Variants in PTK2 observed in about 807,000 individuals in gnomAD.
PTK2 encodes the protein protein tyrosine kinase 2, also known as focal adhesion kinase 1.
A neutral mutation model predicts 150.1 loss-of-function variants in PTK2; 45 were observed. The ratio of observed to expected loss-of-function variants is 0.30; its 90% confidence interval spans 0.24 to 0.38. PTK2 has a LOEUF of 0.38. Ranked by LOEUF, PTK2 falls within the 10% of genes least tolerant of loss-of-function variation. The pLI is 1.00. For synonymous variants in PTK2, 432 were observed against 449.2 expected (o/e 0.96, Z 0.48); for missense variants, 919 against 1,307.3 (o/e 0.70, Z 4.58).
intron 26 of PTK2, 135 bp downstream of exon 29, chr8:140,700,756 C>A: frequency 8.2e-7 from 1 of 1,215,680 alleles, no homozygotes; most frequent in Non-Finnish European, 1.1e-6. Context: ...CCATGCCTGG[C>A]CTATTCCAAG....
intron 18 of PTK2, chr8:140,746,420 C>G (rs2100058800): frequency 5.0e-6 from 1 of 198,642 alleles, no homozygotes; most frequent in Non-Finnish European, 1.0e-5. Flanking sequence ...TACCCAAACT[C>G]CATTAAGATT....
intron 26 of PTK2, among the ~76,000 whole-genome samples, chr8:140,696,065 TTTAGATG>T (rs2100026368): frequency 4.6e-5 from 7 of 152,160 alleles, no homozygotes; most frequent in Non-Finnish European, 7.3e-5. Context: ...GCCTCTAACG[TTTAGATG>T]CTTAACACTG....
chr8:140,873,672 G>A (rs766494236), intron 4 of PTK2, among the ~76,000 whole-genome samples: 1 of 152,088 alleles, frequency 6.6e-6, no homozygotes, highest in Non-Finnish European at 1.5e-5. Flanking sequence ...CACCACGTTA[G>A]TCAGGCTGGT....
chr8:140,983,264 G>A (rs1008599359), intron 1 of PTK2, among the ~76,000 whole-genome samples: 3 of 150,042 alleles, frequency 2.0e-5, no homozygotes, highest in African/African-American at 7.3e-5. Context: ...ACAGGTGCCT[G>A]TAATCCCAGC....
chr8:140,850,314 T>C (rs910237123), intron 5 of PTK2, among the ~76,000 whole-genome samples: 3 of 151,606 alleles, frequency 2.0e-5, no homozygotes, highest in Non-Finnish European at 2.9e-5. Flanking sequence ...TAATCCCAGG[T>C]ACTCGGGAGG....
At chr8:140,668,178 G>C (rs759474181) in intron 30 of PTK2, 91 bp downstream of exon 34, 4 of 1,463,598 alleles carry the variant, frequency 2.7e-6, no homozygotes, top group Non-Finnish European at 3.8e-6. Context: ...CTTTGGTGGG[G>C]CGGGGGGACC....
At chr8:140,964,538 C>G (rs564278953) in intron 1 of PTK2, among the ~76,000 whole-genome samples, 2 of 149,326 alleles carry the variant, frequency 1.3e-5, no homozygotes, top group East Asian at 3.9e-4. Context: ...CCACCCCCAG[C>G]CCCAGGTAAT....
intron 8 of PTK2, among the ~76,000 whole-genome samples, chr8:140,829,936 C>T (rs889338575): frequency 6.6e-5 from 10 of 152,118 alleles, no homozygotes; most frequent in African/African-American, 2.2e-4. Context: ...CATTCAGAGT[C>T]CTCCCACCTC....
intron 2 of PTK2, among the ~76,000 whole-genome samples, chr8:140,891,221 T>C (rs182059122): frequency 2.8e-4 from 42 of 152,300 alleles, no homozygotes; most frequent in Admixed American, 7.2e-4. Context: ...ATACTAGGCA[T>C]TGGTGATTAA....
intron 26 of PTK2, among the ~76,000 whole-genome samples, chr8:140,691,197 G>T (rs73714732): frequency 2.6e-4 from 39 of 147,488 alleles, no homozygotes; most frequent in African/African-American, 6.4e-4. Flanking sequence ...AGATGGTTGG[G>T]GGTGGGGGGT....
At chr8:140,948,391 T>TG (rs1410476606) in intron 1 of PTK2, among the ~76,000 whole-genome samples, 3 of 152,050 alleles carry the variant, frequency 2.0e-5, no homozygotes, top group African/African-American at 4.8e-5. Flanking sequence ...ATGCTGGAAC[T>TG]GGGGGGAAGG....
chr8:140,697,352 C>T (rs1274744071), intron 26 of PTK2, among the ~76,000 whole-genome samples: 1 of 151,368 alleles, frequency 6.6e-6, no homozygotes, highest in Non-Finnish European at 1.5e-5. Flanking sequence ...AAGTATTTTC[C>T]ATTTCCCCAC....
chr8:140,846,559 A>T (rs752111000), intron 6 of PTK2, 40 bp downstream of exon 6: 1 of 1,450,082 alleles, frequency 6.9e-7, no homozygotes, highest in South Asian at 1.2e-5. Flanking sequence ...TAATTAAAAA[A>T]TTGATAAATA....
chr8:140,819,301 G>C (rs950600495), intron 8 of PTK2, among the ~76,000 whole-genome samples: 11 of 152,086 alleles, frequency 7.2e-5, no homozygotes, highest in Admixed American at 2.0e-4. Context: ...TGTACTATAT[G>C]TGCACATGAC....
At chr8:140,946,397 A>C (rs1297896362) in intron 1 of PTK2, among the ~76,000 whole-genome samples, 1 of 152,214 alleles carries the variant, frequency 6.6e-6, no homozygotes, top group Non-Finnish European at 1.5e-5. Context: ...AAGATGGGGG[A>C]GAGGAAAGAC....
intron 1 of PTK2, among the ~76,000 whole-genome samples, chr8:140,978,242 A>G (rs1357314228): frequency 6.6e-6 from 1 of 152,250 alleles, no homozygotes; most frequent in African/African-American, 2.4e-5. Context: ...TGGCAACAAA[A>G]GCCAAAACAG....
At chr8:140,765,149 G>A (rs1195243923) in intron 14 of PTK2, 1 of 152,150 alleles carries the variant, frequency 6.6e-6, no homozygotes, top group African/African-American at 2.4e-5. Flanking sequence ...CCATGTATAA[G>A]GATTTTAACT....
At chr8:140,874,350 T>C (rs1024595244) in intron 4 of PTK2, among the ~76,000 whole-genome samples, 1 of 152,182 alleles carries the variant, frequency 6.6e-6, no homozygotes, top group Non-Finnish European at 1.5e-5. Flanking sequence ...AAAAACGTCA[T>C]GGAAATCAAA....
intron 2 of PTK2, among the ~76,000 whole-genome samples, chr8:140,903,746 T>C (rs1290742939): frequency 6.6e-6 from 1 of 152,176 alleles, no homozygotes; most frequent in Non-Finnish European, 1.5e-5. Flanking sequence ...TTCCTAGGTA[T>C]TTTATTCTCT....
Sources: gnomAD v4.1 joint callset for allele counts (sites outside exome capture counted in the v4.1 genomes callset) on GRCh38, gnomAD v4.1.1 for gene constraint, MANE v1.5 for transcripts, NCBI Gene and HGNC (gene_info 2026-07-23, HGNC 2026-07-21) for gene names.